The following AFG1L variants were observed in gnomAD, a reference collection of about 807,000 sequenced individuals.
AFG1L encodes the protein AFG1 like ATPase.
A neutral mutation model predicts 62.2 loss-of-function variants in AFG1L; 53 were observed. The observed-to-expected ratio is 0.85, with a 90% CI of 0.68 to 1.07. The LOEUF is 1.07. Among genes scored for constraint, AFG1L ranks in the 50% least tolerant of loss-of-function variants. AFG1L has a pLI of 0.00. For synonymous variants in AFG1L, 228 were observed against 210.3 expected (o/e 1.08, Z -0.73); for missense variants, 555 against 590.5 (o/e 0.94, Z 0.62).
intron 1 of AFG1L, chr6:108,319,923 T>C (rs1436971295): frequency 5.6e-6 from 1 of 178,828 alleles, no homozygotes; most frequent in African/African-American, 2.4e-5. Context: ...GTGAGGCTGT[T>C]GGGAAATAGG....
At chr6:108,400,693 ATATATATTAT>A (rs1781537749) in intron 6 of AFG1L, among the ~76,000 whole-genome samples, 2 of 97,162 alleles carry the variant, frequency 2.1e-5, no homozygotes, top group South Asian at 5.2e-4. Context: ...ATATAATTAT[ATATATATTAT>A]TATATATATT....
chr6:108,517,181 G>A (rs1481519612), intron 11 of AFG1L, among the ~76,000 whole-genome samples: 2 of 152,182 alleles, frequency 1.3e-5, no homozygotes, highest in African/African-American at 4.8e-5. Context: ...CCAAAAAAGA[G>A]CCCGCATTGC....
intron 10 of AFG1L, among the ~76,000 whole-genome samples, chr6:108,496,072 G>A (rs1773963616): frequency 6.6e-6 from 1 of 152,122 alleles, no homozygotes; most frequent in African/African-American, 2.4e-5. Context: ...ATTATTCATA[G>A]GGCACAATGC....
intron 7 of AFG1L, among the ~76,000 whole-genome samples, 196 bp downstream of exon 7, chr6:108,402,250 G>A (rs2114632973): frequency 6.6e-6 from 1 of 152,134 alleles, no homozygotes; most frequent in Middle Eastern, 3.4e-3. Flanking sequence ...GGATCACAAG[G>A]TCAGGAGTTC....
intron 8 of AFG1L, among the ~76,000 whole-genome samples, chr6:108,463,393 C>T (rs1421763442): frequency 1.4e-5 from 2 of 142,204 alleles, no homozygotes; most frequent in Admixed American, 7.3e-5. Flanking sequence ...TTTTACTCTC[C>T]AACTTCTTCT....
At chr6:108,299,818 G>C (rs751175701) in intron 1 of AFG1L, among the ~76,000 whole-genome samples, 19 of 152,158 alleles carry the variant, frequency 1.2e-4, no homozygotes, top group Non-Finnish European at 2.5e-4. Context: ...CTGAGGGCTA[G>C]TGCTTGAGGA....
intron 7 of AFG1L, among the ~76,000 whole-genome samples, chr6:108,416,375 A>C (rs1448784669): frequency 1.3e-5 from 2 of 152,242 alleles, no homozygotes; most frequent in Non-Finnish European, 2.9e-5. Context: ...GCGATTCCTC[A>C]AGGATCTAGA....
At chr6:108,462,103 A>C (rs1772484559) in intron 8 of AFG1L, among the ~76,000 whole-genome samples, 1 of 151,106 alleles carries the variant, frequency 6.6e-6, no homozygotes, top group Non-Finnish European at 1.5e-5. Flanking sequence ...TCAAAAAAAG[A>C]AAAAAAAATC....
At chr6:108,367,463 T>C (rs1173464548) in intron 6 of AFG1L, among the ~76,000 whole-genome samples, 1 of 152,210 alleles carries the variant, frequency 6.6e-6, no homozygotes, top group East Asian at 1.9e-4. Flanking sequence ...GGGCAGGTTC[T>C]GGATGTACTA....
intron 7 of AFG1L, among the ~76,000 whole-genome samples, chr6:108,406,497 G>A (rs981106024): frequency 6.6e-6 from 1 of 152,118 alleles, no homozygotes; most frequent in Non-Finnish European, 1.5e-5. Context: ...GAGTGCGGTG[G>A]CATGATCTTG....
chr6:108,302,719 A>G (rs142997406), intron 1 of AFG1L, among the ~76,000 whole-genome samples: 2 of 152,306 alleles, frequency 1.3e-5, no homozygotes, highest in Non-Finnish European at 2.9e-5. Flanking sequence ...CACTCCAGTC[A>G]AAACCTTGGT....
At chr6:108,352,739 A>G (rs1234601649) in intron 3 of AFG1L, among the ~76,000 whole-genome samples, 2 of 151,564 alleles carry the variant, frequency 1.3e-5, no homozygotes, top group Non-Finnish European at 2.9e-5. Context: ...TAATTTTTAT[A>G]TTTTTTTGTG....
At chr6:108,357,156 A>C (rs1779325081) in intron 5 of AFG1L, among the ~76,000 whole-genome samples, 1 of 151,816 alleles carries the variant, frequency 6.6e-6, no homozygotes, top group Admixed American at 6.6e-5. Flanking sequence ...GGCATAATCA[A>C]AGCTCATTAT....
intron 1 of AFG1L, among the ~76,000 whole-genome samples, chr6:108,313,508 C>T (rs1777485813): frequency 6.6e-6 from 1 of 152,080 alleles, no homozygotes; most frequent in African/African-American, 2.4e-5. Flanking sequence ...AACTCCCTGG[C>T]CCAAATCATA....
intron 10 of AFG1L, among the ~76,000 whole-genome samples, chr6:108,480,134 A>C (rs1459550259): frequency 1.3e-5 from 2 of 152,220 alleles, no homozygotes; most frequent in African/African-American, 4.8e-5. Flanking sequence ...CCTGCAGGTT[A>C]ACATCTAGCT....
At chr6:108,497,481 C>T (rs1774018150) in intron 10 of AFG1L, among the ~76,000 whole-genome samples, 1 of 151,818 alleles carries the variant, frequency 6.6e-6, no homozygotes. Flanking sequence ...ATCCTTGTCT[C>T]ACTTAATTCC....
intron 7 of AFG1L, among the ~76,000 whole-genome samples, chr6:108,414,270 G>A (rs1459879065): frequency 6.6e-6 from 1 of 152,120 alleles, no homozygotes; most frequent in Admixed American, 6.5e-5. Flanking sequence ...TGAAATTGAG[G>A]CAAAAATTAA....
intron 2 of AFG1L, among the ~76,000 whole-genome samples, chr6:108,334,703 C>A (rs1481306734): frequency 6.6e-6 from 1 of 152,158 alleles, no homozygotes; most frequent in Admixed American, 6.5e-5. Context: ...TCACACTCTT[C>A]TCCTGCTTAA....
At chr6:108,445,724 T>C (rs77036905) in intron 7 of AFG1L, among the ~76,000 whole-genome samples, 1,974 of 151,198 alleles carry the variant, frequency 0.013, 20 homozygotes, top group Non-Finnish European at 0.021. Flanking sequence ...ACAGCATGTA[T>C]AAATTAAGTT....
Sources: allele counts gnomAD v4.1 joint callset (sites outside exome capture counted in the v4.1 genomes callset), GRCh38; gene constraint gnomAD v4.1.1; transcripts MANE v1.5; gene names NCBI Gene and HGNC (gene_info 2026-07-23, HGNC 2026-07-21).